ARHGAP9: variants seen among roughly 807,000 people sequenced by gnomAD.
ARHGAP9 encodes the protein rho GTPase-activating protein 9.
In ARHGAP9, 76 loss-of-function variants were observed where a neutral mutation model predicts 87.3. The observed-to-expected ratio is 0.87, with a 90% CI of 0.72 to 1.05. The LOEUF is 1.05. ARHGAP9 is among the 50% of genes least tolerant of loss of function. The pLI is 0.00. For synonymous variants in ARHGAP9, 382 were observed against 394.9 expected (o/e 0.97, Z 0.39); for missense variants, 941 against 960.5 (o/e 0.98, Z 0.27).
rs1002720012 is a variant in ARHGAP9 at position 57,472,423 on chromosome 12, T to C, written c.*94A>G. 1.3e-5 allele frequency: 18 copies of C among 1,409,668 alleles called. No homozygotes were observed. Among genetic ancestry groups the C allele is most frequent in the African/African-American group, 2.9e-5 (2 of 69,782 alleles). 87.3% of individuals were successfully genotyped at this position (1,409,668 alleles called of 1,614,324 possible). A position where few individuals can be genotyped will look rare whatever the true frequency, so the allele number is the denominator to read the frequency against. On this transcript the variant is annotated 3_prime_UTR_variant, in exon 18 of 18. Coordinates refer to ENST00000393791, the MANE Select transcript of ARHGAP9 (RefSeq NM_032496.4). ...CACTCATGAAGATAGAGACAGTCAT[T>C]TGGGAGATTTAAAGGGATATCCTCA...
chr12:57,474,581 G>C, intron 14 of ARHGAP9, 45 bp downstream of exon 14: 1 of 1,613,538 alleles, frequency 6.2e-7, no homozygotes, highest in African/African-American at 1.3e-5. Flanking sequence ...ATGGTTCTCA[G>C]GCAAGACATT....
At position 57,477,627 on chromosome 12, in the gene ARHGAP9, G is replaced by A; in HGVS notation, c.588C>T (p.Asp196=). 2 of 1,613,330 alleles carry A rather than the reference G, an allele frequency of 1.2e-6. No homozygotes were observed. Among genetic ancestry groups the A allele is most frequent in the Middle Eastern group, 1.7e-4 (1 of 6,060 alleles). ...SEPPVYCNLV[D]LRRCPRSPPP... is the part of the protein sequence containing the mutation. The stretch of plus-strand genomic sequence containing the variant: ...GTGGGGACCGAGGACAGCGGCGAAG[G>A]TCCACCAGGTTACAGTACACAGGGG... Residue 196 remains aspartate (D), a synonymous_variant, in exon 4 of 18, where the codon GAC becomes GAT. Coordinates refer to ENST00000393791, the MANE Select transcript of ARHGAP9 (RefSeq NM_032496.4).
chr12:57,478,677 G>A lies in ARHGAP9; in HGVS notation c.397C>T (p.Pro133Ser). ...CTACACATTTTGCGGGGAAGTGGAG[G>A]AGGCTGCTCCGAGCTAGCCTGAGCC... is the stretch of plus-strand genomic sequence containing the variant. ...SRAQASSEQPPPLPRKMCRSV... is the reference protein window; with the variant it reads ...SRAQASSEQPSPLPRKMCRSV... Residue 133 changes from proline (P) to serine (S), a missense_variant, in exon 3 of 18, where the codon CCT becomes TCT. Physicochemically the swap from Pro to Ser is moderately conservative, Grantham distance 74. Coordinates refer to ENST00000393791, the MANE Select transcript of ARHGAP9 (RefSeq NM_032496.4). 1.2e-6 allele frequency: 2 copies of A among 1,614,176 alleles called. No homozygotes were observed. The highest frequency in any genetic ancestry group is 1.3e-5 in the African/African-American group (1 of 75,044).
upstream of ARHGAP9, among the ~76,000 whole-genome samples, chr12:57,480,621 A>C (rs1171811613): frequency 2.0e-5 from 3 of 152,132 alleles, no homozygotes; most frequent in South Asian, 6.2e-4. Context: ...CAATAAACTT[A>C]ATAATTACAA....
intron 3 of ARHGAP9, 57 bp downstream of exon 3, chr12:57,478,483 A>G (rs2139952198): frequency 6.5e-7 from 1 of 1,529,596 alleles, no homozygotes; most frequent in South Asian, 1.1e-5. Flanking sequence ...CTGAAGACAG[A>G]GGTGCTGTCT....
At chr12:57,482,258 TG>T (rs544808700), upstream of ARHGAP9, among the ~76,000 whole-genome samples, 447 of 151,742 alleles carry the variant, frequency 2.9e-3, 2 homozygotes, top group African/African-American at 1.0e-2. Flanking sequence ...TTTTTTTTTT[TG>T]AGTCGGAGTC....
At chr12:57,478,940 G>T in intron 2 of ARHGAP9, 151 bp downstream of exon 2, 1 of 1,179,704 alleles carries the variant, frequency 8.5e-7, no homozygotes, top group Non-Finnish European at 1.2e-6. Context: ...CCATGGCGGG[G>T]GCAAGAGGTA....
In ARHGAP9 at chr12:57,488,539, C is replaced by T. The variant is rs1875646102; in HGVS notation, c.-204+73G>A. On this transcript the variant is annotated intron_variant, in intron 1 of 20. Transcript: ENST00000393797. ...CTTTAGTTACTAGCATGACAGCCCC[C>T]AGGCACCCTTTTGTGTTCTTAGGAA... The T allele has an allele frequency of 2.9e-5, 44 of 1,538,506 alleles. 1 individual carries two copies. In the South Asian group the frequency reaches 4.7e-4, roughly 16 times the overall value.
chr12:57,488,042 A>T (rs1801828291), intron 1 of ARHGAP9: 1 of 1,539,376 alleles, frequency 6.5e-7, no homozygotes, highest in Non-Finnish European at 9.0e-7. Context: ...CGCTGAACTC[A>T]GAAGCGGGAG....
At chr12:57,486,646 GA>G (rs1875430198) in intron 1 of ARHGAP9, among the ~76,000 whole-genome samples, 1 of 149,240 alleles carries the variant, frequency 6.7e-6, no homozygotes. Flanking sequence ...AGCACTTTGG[GA>G]GGCTGAGGCG....
rs748623767 is a variant in ARHGAP9 at position 57,477,166 on chromosome 12, A to G, written c.860T>C (p.Leu287Pro). The G allele has an allele frequency of 6.6e-5, 107 of 1,613,438 alleles. No individual in the cohort carries two copies. The highest frequency in any genetic ancestry group is 2.3e-4 in the Admixed American group (14 of 59,940). The change falls in exon 5 of 18, where the codon CTT becomes CCT. Residue 287 changes from leucine to proline, a missense_variant. Physicochemically the swap from Leu to Pro is moderately conservative, Grantham distance 98. Coordinates refer to ENST00000393791, the MANE Select transcript of ARHGAP9 (RefSeq NM_032496.4). ...FRSDTGTPEP[L>P]DPQGSLSLSQ... Reference sequence around the variant, plus strand: ...TGGGAGGGATCTCACCTGTGGGTCAAGCGGTTCTGGGGTCCCTGTGTCAGA... The same window carrying G: ...TGGGAGGGATCTCACCTGTGGGTCAGGCGGTTCTGGGGTCCCTGTGTCAGA...
Position 57,479,104 on chromosome 12 carries a change from C to T in ARHGAP9, c.303G>A (p.Leu101=). 6.2e-6 allele frequency: 10 copies of T among 1,614,080 alleles called. No homozygotes were observed. The highest frequency in any genetic ancestry group is 8.5e-6 in the Non-Finnish European group (10 of 1,179,984). ...QSPTTVIPGQ[L]LWTPGPKLFH... is the part of the protein sequence containing the mutation. ...GCGCTTACTCACCAGGAGTCCAGAG[C>T]AATTGGCCGGGGATGACGGTAGTTG... Residue 101 remains leucine (L), a synonymous_variant, in exon 2 of 18, where the codon TTG becomes TTA. Transcript: ENST00000393791.
chr12:57,476,889 C>T lies in ARHGAP9; in HGVS notation c.945G>A (p.Gln315=). 1 of 1,613,932 alleles carries T rather than the reference C, an allele frequency of 6.2e-7. No homozygotes were observed. The highest frequency in any genetic ancestry group is 8.5e-7 in the Non-Finnish European group (1 of 1,179,944). ...PALQAPRPLP[Q]LLDDPHEVEK... ...GATTCACATGGGGGTCGTCCAGGAG[C>T]TGCGGCAGAGGTCGAGGGGCCTGCA... The change falls in exon 6 of 18, where the codon CAG becomes CAA. Residue 315 remains glutamine (Q), a synonymous_variant. Coordinates refer to ENST00000393791, the MANE Select transcript of ARHGAP9 (RefSeq NM_032496.4).
rs1458262818 is a variant in ARHGAP9, at chr12:57,476,104, G to A, written c.1179C>T (p.Gly393=). Residue 393 remains glycine (G), a synonymous_variant, in exon 9 of 18, where the codon GGC becomes GGT. Coordinates refer to ENST00000393791, the MANE Select transcript of ARHGAP9 (RefSeq NM_032496.4). The stretch of plus-strand genomic sequence containing the variant: ...CGTTGCGGCGGCTGGACAGGTGGCG[G>A]CCGTGCGCCAGGGCCGCCCCGCGCA... ...VDLRGAALAH[G]RHLSSRRNVL... The A allele has an allele frequency of 1.3e-6, 2 of 1,539,576 alleles. No individual in the cohort carries two copies. Among genetic ancestry groups the A allele is most frequent in the African/African-American group, 1.4e-5 (1 of 72,982 alleles).
upstream of ARHGAP9, among the ~76,000 whole-genome samples, chr12:57,482,330 T>A (rs1415573772): frequency 6.6e-6 from 1 of 151,792 alleles, no homozygotes; most frequent in African/African-American, 2.4e-5. Context: ...AACCTCCGCC[T>A]CCCAGGTTCA....
intron 1 of ARHGAP9, chr12:57,488,263 TGCAGCTGTCTTTGC>T: frequency 6.7e-7 from 1 of 1,488,284 alleles, no homozygotes; most frequent in African/African-American, 1.4e-5. Context: ...CCAGATTCTC[TGCAGCTGTCTTTGC>T]CAAACCCCTA....
chr12:57,488,474 C>T, intron 1 of ARHGAP9: 1 of 1,269,392 alleles, frequency 7.9e-7, no homozygotes, highest in Admixed American at 2.1e-5. Flanking sequence ...CTCTTCCCTT[C>T]CCAACCTTCT....
intron 1 of ARHGAP9, among the ~76,000 whole-genome samples, chr12:57,486,728 A>G (rs1594802180): frequency 6.7e-6 from 1 of 149,452 alleles, no homozygotes; most frequent in South Asian, 2.1e-4. Flanking sequence ...TACTAAAAAT[A>G]CAAAAAATTA....
chr12:57,476,876 G>T lies in ARHGAP9; in HGVS notation c.958C>A (p.Pro320Thr). 6.2e-7 allele frequency: 1 copy of T among 1,613,878 alleles called. No individual in the cohort carries two copies. The highest frequency in any genetic ancestry group is 8.5e-7 in the Non-Finnish European group (1 of 1,179,882). ...CAAAGAAATGGGAGATTCACATGGGGGTCGTCCAGGAGCTGCGGCAGAGGT... is the reference window on the plus strand; with the variant it reads ...CAAAGAAATGGGAGATTCACATGGGTGTCGTCCAGGAGCTGCGGCAGAGGT... Reference protein sequence around the residue: ...PRPLPQLLDDPHEVEKSGLLN... With the variant: ...PRPLPQLLDDTHEVEKSGLLN... The change falls in exon 6 of 18, where the codon CCC becomes ACC. Residue 320 changes from proline to threonine, a missense_variant. By Grantham distance (38) the Pro-to-Thr change is conservative. Coordinates refer to ENST00000393791, the MANE Select transcript of ARHGAP9 (RefSeq NM_032496.4).
Sources: allele counts gnomAD v4.1 joint callset (sites outside exome capture counted in the v4.1 genomes callset), GRCh38; gene constraint gnomAD v4.1.1; transcripts MANE v1.5; gene names NCBI Gene and HGNC (gene_info 2026-07-23, HGNC 2026-07-21).